PROX1: variants seen among roughly 807,000 people sequenced by gnomAD.
PROX1 encodes the protein prospero homeobox 1, also known as prospero homeobox protein 1.
In PROX1, 7 loss-of-function variants were observed where a neutral mutation model predicts 58.8. The ratio of observed to expected loss-of-function variants is 0.12; its 90% confidence interval spans 0.07 to 0.22. PROX1 has a LOEUF of 0.22. Ranked by LOEUF, PROX1 falls within the 10% of genes least tolerant of loss-of-function variation. The probability of loss-of-function intolerance (pLI) is 1.00; values close to 1 mark genes in which losing one functional copy is unlikely to be tolerated. For missense variants in PROX1, 675 were observed against 927.8 expected, an observed-to-expected ratio of 0.73 and a Z score of 3.54; for synonymous variants, 350 against 358.3, an observed-to-expected ratio of 0.98 and a Z score of 0.26.
intron 4 of PROX1, among the ~76,000 whole-genome samples, chr1:214,017,371 G>T (rs970014084): frequency 6.6e-6 from 1 of 152,102 alleles, no homozygotes; most frequent in Admixed American, 6.5e-5. Context: ...GACTTCAAGA[G>T]TTCACAGATT....
At chr1:214,014,928 C>G (rs963531802) in intron 4 of PROX1, among the ~76,000 whole-genome samples, 3 of 152,134 alleles carry the variant, frequency 2.0e-5, no homozygotes, top group African/African-American at 7.2e-5. Context: ...TGACCCCTGG[C>G]CTACAGGAAA....
intron 4 of PROX1, among the ~76,000 whole-genome samples, chr1:214,019,166 G>T (rs1171870177): frequency 2.0e-5 from 3 of 152,154 alleles, no homozygotes; most frequent in African/African-American, 4.8e-5. Context: ...ATGAGCAGGG[G>T]TGACTTTCTC....
chr1:214,027,838 C>T (rs1664510952), intron 4 of PROX1, among the ~76,000 whole-genome samples: 2 of 151,296 alleles, frequency 1.3e-5, no homozygotes, highest in African/African-American at 4.9e-5. Flanking sequence ...CTCAACAGAA[C>T]ATTGTTCTTT....
chr1:214,025,663 CTTTTTTT>C (rs539954941), intron 4 of PROX1, among the ~76,000 whole-genome samples: 2 of 136,532 alleles, frequency 1.5e-5, no homozygotes, highest in African/African-American at 2.7e-5. Context: ...TCTGTGATTC[CTTTTTTT>C]TTTTTTTTTT....
chr1:213,986,866 A>T (rs186986834), upstream of PROX1, among the ~76,000 whole-genome samples: 265 of 152,344 alleles, frequency 1.7e-3, 1 homozygote, highest in African/African-American at 6.0e-3. Flanking sequence ...GGAGATCTTT[A>T]AGAGCCACAT....
chr1:214,014,196 G>A (rs983641178), intron 4 of PROX1, among the ~76,000 whole-genome samples: 5 of 152,188 alleles, frequency 3.3e-5, no homozygotes, highest in Admixed American at 1.3e-4. Context: ...GTGGCTGAGA[G>A]CCAAAAGTAG....
intron 1 of PROX1, chr1:213,989,588 G>A (rs1449268109): frequency 6.6e-6 from 1 of 152,556 alleles, no homozygotes; most frequent in Non-Finnish European, 1.5e-5. Flanking sequence ...GACTAGTGAG[G>A]AGGGCGGGAA....
intron 4 of PROX1, among the ~76,000 whole-genome samples, chr1:214,035,173 G>C (rs1055951663): frequency 2.6e-5 from 4 of 152,130 alleles, no homozygotes; most frequent in African/African-American, 9.7e-5. Context: ...TGAGATTTTA[G>C]AAGATTTTCT....
chr1:214,025,705 CAG>C (rs1163930229), intron 4 of PROX1, among the ~76,000 whole-genome samples: 4 of 151,472 alleles, frequency 2.6e-5, no homozygotes, highest in South Asian at 2.1e-4. Flanking sequence ...CTCTGTCACC[CAG>C]GCTGGAGTGC....
chr1:214,025,663 CT>C (rs539954941), intron 4 of PROX1, among the ~76,000 whole-genome samples: 2,990 of 136,448 alleles, frequency 0.022, 54 homozygotes, highest in East Asian at 0.079. Flanking sequence ...TCTGTGATTC[CT>C]TTTTTTTTTT....
At chr1:213,999,087 GT>G (rs1663397028) in intron 2 of PROX1, among the ~76,000 whole-genome samples, 1 of 152,104 alleles carries the variant, frequency 6.6e-6, no homozygotes, top group African/African-American at 2.4e-5. Context: ...AAACTCAGCT[GT>G]ATTCGACTTA....
intron 1 of PROX1, among the ~76,000 whole-genome samples, chr1:213,991,522 A>G (rs1300915608): frequency 1.3e-5 from 2 of 152,088 alleles, no homozygotes; most frequent in South Asian, 2.1e-4. Context: ...CTTTATTTTT[A>G]ATAGGGGTTA....
At chr1:214,004,047 A>G (rs1316349883) in intron 2 of PROX1, among the ~76,000 whole-genome samples, 1 of 152,188 alleles carries the variant, frequency 6.6e-6, no homozygotes, top group Non-Finnish European at 1.5e-5. Context: ...ACACTCTTCT[A>G]AAAGAAAATC....
rs1261966199 is a variant in PROX1 at position 214,036,962 on chromosome 1, C to T, written c.*1128C>T. On this transcript the variant is annotated 3_prime_UTR_variant, in exon 5 of 5. Coordinates refer to ENST00000366958, the MANE Select transcript of PROX1 (RefSeq NM_001270616.2). The stretch of plus-strand genomic sequence containing the variant: ...GTGACAGTCTAACTCAGTGTTTCTT[C>T]ATTTTAGGTATAACATTTTAAAGCA... The T allele has an allele frequency of 6.6e-6, 1 of 152,272 alleles. No homozygotes were observed. Among genetic ancestry groups the T allele is most frequent in the Non-Finnish European group, 1.5e-5 (1 of 68,056 alleles). 9.4% of individuals were successfully genotyped at this position (152,272 alleles called of 1,614,324 possible).
At chr1:213,991,200 T>C (rs190324733) in intron 1 of PROX1, among the ~76,000 whole-genome samples, 1 of 152,322 alleles carries the variant, frequency 6.6e-6, no homozygotes, top group Admixed American at 6.5e-5. Flanking sequence ...AGGAAAGTTG[T>C]TGGGAATTCA....
At chr1:214,003,507 A>G (rs1212785118) in intron 2 of PROX1, among the ~76,000 whole-genome samples, 2 of 152,226 alleles carry the variant, frequency 1.3e-5, no homozygotes, top group Non-Finnish European at 1.5e-5. Flanking sequence ...CACAAGAAGT[A>G]TGTCAGTCAT....
Position 213,988,116 on chromosome 1 carries a change from GCTCTCTCCTCTCCTCCCGCTCTT to G in PROX1, c.-424_-402del, listed in dbSNP as rs2102672943. 1 of 6,710 alleles carries G rather than the reference GCTCTCTCCTCTCCTCCCGCTCTT, an allele frequency of 1.5e-4. No homozygotes were observed. The highest frequency in any genetic ancestry group is 2.5e-3 in the Admixed American group (1 of 396). 0.4% of individuals were successfully genotyped at this position (6,710 alleles called of 1,614,324 possible). Reference sequence around the variant, plus strand: ...CCCTTCTCCTCTCTCCTCCTCTGCTGCTCTCTCCTCTCCTCCCGCTCTTCTCTCTCCTCCTCTCCTGCTCTCTC... The same window carrying G: ...CCCTTCTCCTCTCTCCTCCTCTGCTGCTCTCTCCTCCTCTCCTGCTCTCTC... On this transcript the variant is annotated 5_prime_UTR_variant, in exon 1 of 5. Transcript: ENST00000366958.
upstream of PROX1, among the ~76,000 whole-genome samples, chr1:213,987,204 T>A (rs1662844975): frequency 6.6e-6 from 1 of 152,126 alleles, no homozygotes; most frequent in Non-Finnish European, 1.5e-5. Context: ...GGACTGGAGA[T>A]AAACTGGGAC....
upstream of PROX1, chr1:213,987,623 C>G (rs1452253341): frequency 1.4e-5 from 2 of 147,040 alleles, no homozygotes; most frequent in East Asian, 2.2e-4. Flanking sequence ...CCGCTCGCGC[C>G]GTCTCCCGCT....
Sources: allele counts gnomAD v4.1 joint callset (sites outside exome capture counted in the v4.1 genomes callset), GRCh38; gene constraint gnomAD v4.1.1; transcripts MANE v1.5; gene names NCBI Gene and HGNC (gene_info 2026-07-23, HGNC 2026-07-21).